DNAI4: variants seen among roughly 807,000 people sequenced by gnomAD.
The protein encoded by DNAI4 is dynein axonemal intermediate chain 4, also known as WD repeat domain 78.
A neutral mutation model predicts 105.8 loss-of-function variants in DNAI4; 85 were observed. The observed-to-expected ratio is 0.80, with a 90% CI of 0.67 to 0.96. The LOEUF is 0.96. DNAI4 is among the 40% of genes least tolerant of loss of function. DNAI4 has a pLI of 0.00. For synonymous variants in DNAI4, 352 were observed against 331.5 expected, an observed-to-expected ratio of 1.06 and a Z score of -0.67; for missense variants, 1,014 against 1,005.6, an observed-to-expected ratio of 1.01 and a Z score of -0.11.
In DNAI4 at chr1:66,834,150, TA is replaced by T; in HGVS notation, c.1734-3del. The T allele has an allele frequency of 6.3e-7, 1 of 1,590,872 alleles. No individual in the cohort carries two copies. The highest frequency in any genetic ancestry group is 8.5e-7 in the Non-Finnish European group (1 of 1,172,070). On this transcript the variant is annotated splice_region_variant and splice_polypyrimidine_tract_variant and intron_variant, in intron 11 of 16. Coordinates refer to ENST00000371026, the MANE Select transcript of DNAI4 (RefSeq NM_024763.5). ...CCCAAATGTTTTTGAGGTGATTCAC[TA>T]AAACAGTAAAAAAAATACTAAACAT...
At chr1:66,842,106 T>A (rs562122858) in intron 8 of DNAI4, among the ~76,000 whole-genome samples, 1 of 152,344 alleles carries the variant, frequency 6.6e-6, no homozygotes, top group Non-Finnish European at 1.5e-5. Context: ...CAAATTGGCT[T>A]CATTTGCAGA....
intron 12 of DNAI4, 69 bp downstream of exon 12, chr1:66,833,920 TCA>T (rs1645923613): frequency 2.0e-6 from 3 of 1,507,032 alleles, no homozygotes; most frequent in Non-Finnish European, 2.7e-6. Context: ...TTGTCATCTT[TCA>T]CACATGGTTA....
chr1:66,818,908 C>T (rs1645571409), intron 16 of DNAI4, among the ~76,000 whole-genome samples: 1 of 151,964 alleles, frequency 6.6e-6, no homozygotes, highest in Non-Finnish European at 1.5e-5. Context: ...AGTGAGACTC[C>T]ATCTCAAAAA....
At chr1:66,857,003 ACAT>A (rs1218622579) in intron 7 of DNAI4, among the ~76,000 whole-genome samples, 2 of 152,068 alleles carry the variant, frequency 1.3e-5, no homozygotes, top group African/African-American at 2.4e-5. Context: ...CAAAAACAAA[ACAT>A]CATTAGAGAA....
At chr1:66,850,880 G>A (rs1406897115) in intron 7 of DNAI4, among the ~76,000 whole-genome samples, 1 of 151,652 alleles carries the variant, frequency 6.6e-6, no homozygotes, top group Non-Finnish European at 1.5e-5. Flanking sequence ...AAAGCAGAAT[G>A]GTAAAAAAAA....
At chr1:66,861,684 C>T (rs970707324) in intron 7 of DNAI4, among the ~76,000 whole-genome samples, 9 of 152,088 alleles carry the variant, frequency 5.9e-5, no homozygotes, top group Admixed American at 1.3e-4. Flanking sequence ...GCAGTATCCC[C>T]GGTAGATGCC....
intron 7 of DNAI4, among the ~76,000 whole-genome samples, chr1:66,857,166 G>C (rs1048025985): frequency 6.6e-6 from 1 of 151,920 alleles, no homozygotes; most frequent in Non-Finnish European, 1.5e-5. Context: ...ATGGACCTAA[G>C]AGAATTCATG....
At chr1:66,916,957 T>A (rs1650116385) in intron 1 of DNAI4, among the ~76,000 whole-genome samples, 1 of 152,148 alleles carries the variant, frequency 6.6e-6, no homozygotes, top group Non-Finnish European at 1.5e-5. Flanking sequence ...TATGATCCTA[T>A]TTCATGGTAT....
chr1:66,874,493 A>C (rs112042464), intron 5 of DNAI4, among the ~76,000 whole-genome samples: 4 of 152,252 alleles, frequency 2.6e-5, no homozygotes, highest in African/African-American at 9.6e-5. Flanking sequence ...GAGACTTGGA[A>C]GCTTATTCTG....
At chr1:66,861,652 C>G (rs1363905539) in intron 7 of DNAI4, among the ~76,000 whole-genome samples, 2 of 152,162 alleles carry the variant, frequency 1.3e-5, no homozygotes, top group African/African-American at 4.8e-5. Flanking sequence ...CAGGGACTGT[C>G]CTGTGTACTG....
chr1:66,922,231 T>C (rs1254660180), intron 1 of DNAI4, among the ~76,000 whole-genome samples: 1 of 152,132 alleles, frequency 6.6e-6, no homozygotes, highest in Admixed American at 6.5e-5. Context: ...CTGGCAGGAA[T>C]AAATTTTATG....
intron 3 of DNAI4, among the ~76,000 whole-genome samples, chr1:66,893,006 AG>A (rs369829999): frequency 1.8e-5 from 2 of 109,990 alleles, no homozygotes; most frequent in African/African-American, 3.7e-5. Context: ...AGAGAGAAAG[AG>A]AGAGAGGAAA....
At chr1:66,895,425 G>A (rs1309273830) in intron 2 of DNAI4, among the ~76,000 whole-genome samples, 2 of 152,144 alleles carry the variant, frequency 1.3e-5, no homozygotes, top group Admixed American at 1.3e-4. Context: ...CTATGATTGT[G>A]CCACTGCACT....
At position 66,893,075 on chromosome 1, in the gene DNAI4, A is replaced by G. The variant is rs954043466; in HGVS notation, c.530+154T>C. Reference sequence around the variant, plus strand: ...AGAAAGAGAGAGAGAGAAAGAAAGAAAGAAAGAAAGAAAGAAAGAAAGAAA... The same window carrying G: ...AGAAAGAGAGAGAGAGAAAGAAAGAGAGAAAGAAAGAAAGAAAGAAAGAAA... On this transcript the variant is annotated intron_variant, in intron 3 of 16. Coordinates refer to ENST00000371026, the MANE Select transcript of DNAI4 (RefSeq NM_024763.5). Among the ~76,000 whole-genome samples, 794 of 141,806 alleles carry G rather than the reference A, an allele frequency of 5.6e-3. 23 individuals are homozygous for G. Among genetic ancestry groups the G allele is most frequent in the African/African-American group, 0.018 (621 of 34,980 alleles). 93.0% of individuals were successfully genotyped at this position (141,806 alleles called of 152,430 possible).
intron 2 of DNAI4, among the ~76,000 whole-genome samples, chr1:66,893,910 A>T (rs549042644): frequency 1.3e-5 from 2 of 152,330 alleles, no homozygotes; most frequent in African/African-American, 4.8e-5. Flanking sequence ...ACCTAGTGAC[A>T]TCACAGTCAT....
intron 1 of DNAI4, among the ~76,000 whole-genome samples, chr1:66,913,250 G>A (rs895998419): frequency 6.6e-6 from 1 of 152,134 alleles, no homozygotes; most frequent in African/African-American, 2.4e-5. Flanking sequence ...CTCACAATTA[G>A]AGTGCTCAGT....
At chr1:66,842,107 C>T (rs1363648938) in intron 8 of DNAI4, among the ~76,000 whole-genome samples, 1 of 152,194 alleles carries the variant, frequency 6.6e-6, no homozygotes, top group African/African-American at 2.4e-5. Flanking sequence ...AAATTGGCTT[C>T]ATTTGCAGAG....
chr1:66,835,568 G>C, intron 11 of DNAI4, 58 bp downstream of exon 11: 1 of 1,540,396 alleles, frequency 6.5e-7, no homozygotes, highest in Non-Finnish European at 8.9e-7. Flanking sequence ...AATAACATTA[G>C]AGTAAATCCT....
At chr1:66,826,382 T>G (rs565110674) in intron 15 of DNAI4, among the ~76,000 whole-genome samples, 12 of 152,202 alleles carry the variant, frequency 7.9e-5, no homozygotes, top group African/African-American at 2.7e-4. Flanking sequence ...CACTGCAACC[T>G]CTGCCTCTTG....
Sources: allele counts gnomAD v4.1 joint callset (sites outside exome capture counted in the v4.1 genomes callset), GRCh38; gene constraint gnomAD v4.1.1; transcripts MANE v1.5; gene names NCBI Gene and HGNC (gene_info 2026-07-23, HGNC 2026-07-21).